The following KPNA6 variants were observed in gnomAD, a reference collection of about 807,000 sequenced individuals.
KPNA6 encodes karyopherin subunit alpha 6, also known as importin subunit alpha-7.
In KPNA6, 9 loss-of-function variants were observed where a neutral mutation model predicts 72.0. The observed-to-expected ratio is 0.13, with a 90% CI of 0.08 to 0.22. The LOEUF (loss-of-function observed/expected upper bound fraction) is 0.22, where lower values mean the gene tolerates loss of function less well. Among genes scored for constraint, KPNA6 ranks in the 10% least tolerant of loss-of-function variants. The pLI is 1.00. For missense variants in KPNA6, 374 were observed against 655.7 expected (o/e 0.57, Z 4.69); for synonymous variants, 219 against 242.1 (o/e 0.90, Z 0.89).
At chr1:32,166,083 T>G in intron 10 of KPNA6, 22 bp from the exon 11 acceptor site, 2 of 1,576,090 alleles carry the variant, frequency 1.3e-6, no homozygotes, top group Non-Finnish European at 1.7e-6. Flanking sequence ...TTCTTTTGTT[T>G]CCTGTGCTTT....
At chr1:32,131,955 A>T (rs889467641) in intron 1 of KPNA6, among the ~76,000 whole-genome samples, 2 of 150,768 alleles carry the variant, frequency 1.3e-5, no homozygotes, top group African/African-American at 4.9e-5. Flanking sequence ...TTTATTTTTT[A>T]TATTTATTTA....
At chr1:32,116,522 G>A (rs568122811) in intron 1 of KPNA6, among the ~76,000 whole-genome samples, 57 of 152,112 alleles carry the variant, frequency 3.7e-4, no homozygotes, top group Non-Finnish European at 6.8e-4. Context: ...GCCGGGTGTG[G>A]TGGCACATGC....
chr1:32,173,173 T>TAAAAAA lies in KPNA6; in HGVS notation c.*2295_*2300dup, dbSNP rs60616241. 7.2e-4 allele frequency: 229 copies of TAAAAAA among 319,754 alleles called. No individual in the cohort carries two copies. Among genetic ancestry groups the TAAAAAA allele is most frequent in the South Asian group, 2.7e-3 (14 of 5,102 alleles). 19.8% of individuals were successfully genotyped at this position (319,754 alleles called of 1,614,324 possible). A position where few individuals can be genotyped will look rare whatever the true frequency, so the allele number is the denominator to read the frequency against. On this transcript the variant is annotated 3_prime_UTR_variant, in exon 14 of 14. Transcript: ENST00000373625. ...ATTAAAAAACCATTCTCTTACAGTT[T>TAAAAAA]AAAAAAAAAAAAAAAAAAAAAGCCT...
Position 32,173,170 on chromosome 1 carries a change from GT to G in KPNA6, c.*2279del, listed in dbSNP as rs1642467901. 3 of 241,334 alleles carry G rather than the reference GT, an allele frequency of 1.2e-5. No homozygotes were observed. Among genetic ancestry groups the G allele is most frequent in the Non-Finnish European group, 2.0e-5 (3 of 149,360 alleles). 14.9% of individuals were successfully genotyped at this position (241,334 alleles called of 1,614,324 possible). Reference sequence around the variant, plus strand: ...TCCATTAAAAAACCATTCTCTTACAGTTTAAAAAAAAAAAAAAAAAAAAAGC... The same window carrying G: ...TCCATTAAAAAACCATTCTCTTACAGTTAAAAAAAAAAAAAAAAAAAAAGC... On this transcript the variant is annotated 3_prime_UTR_variant, in exon 14 of 14. Coordinates refer to ENST00000373625, the MANE Select transcript of KPNA6 (RefSeq NM_012316.5).
At chr1:32,127,905 C>T (rs1019773819) in intron 1 of KPNA6, among the ~76,000 whole-genome samples, 2 of 152,064 alleles carry the variant, frequency 1.3e-5, no homozygotes, top group Non-Finnish European at 2.9e-5. Flanking sequence ...GTAAAGCTTC[C>T]TGAAGGTAGA....
intron 3 of KPNA6, 45 bp downstream of exon 3, chr1:32,156,990 C>T (rs772438953): frequency 3.6e-6 from 5 of 1,400,022 alleles, no homozygotes; most frequent in Middle Eastern, 1.8e-4. Flanking sequence ...AAAACACCTG[C>T]TTCTAAGGAC....
At chr1:32,131,605 TACAC>T (rs753343778) in intron 1 of KPNA6, among the ~76,000 whole-genome samples, 10 of 151,656 alleles carry the variant, frequency 6.6e-5, no homozygotes, top group Non-Finnish European at 1.0e-4. Context: ...CTTAAGTCTA[TACAC>T]ACACATATAT....
At chr1:32,159,281 G>A in intron 5 of KPNA6, 119 bp from the exon 6 acceptor site, 6 of 1,009,326 alleles carry the variant, frequency 5.9e-6, no homozygotes, top group Non-Finnish European at 8.8e-6. Context: ...TGTGTTTTGT[G>A]AGGTTTTGTT....
intron 1 of KPNA6, among the ~76,000 whole-genome samples, chr1:32,136,930 A>C (rs16834895): frequency 0.026 from 4,016 of 152,314 alleles, 181 homozygotes; most frequent in African/African-American, 0.091. Context: ...CTTGAAGCCA[A>C]GTTTCAGAAA....
intron 1 of KPNA6, among the ~76,000 whole-genome samples, chr1:32,138,782 G>T (rs985212126): frequency 1.3e-5 from 2 of 152,140 alleles, no homozygotes; most frequent in Non-Finnish European, 2.9e-5. Flanking sequence ...GGAAGGCAAA[G>T]GTGATCATCA....
chr1:32,125,429 A>G (rs934786324), intron 1 of KPNA6, among the ~76,000 whole-genome samples: 1 of 152,246 alleles, frequency 6.6e-6, no homozygotes, highest in East Asian at 1.9e-4. Flanking sequence ...GAGGCAGCCA[A>G]CAGGCCTGCA....
chr1:32,167,853 C>CAAAA (rs376077938), intron 12 of KPNA6, among the ~76,000 whole-genome samples: 4 of 80,080 alleles, frequency 5.0e-5, no homozygotes, highest in South Asian at 3.6e-4. Context: ...GAGTCTGTCA[C>CAAAA]AAAAAAAAAA....
In KPNA6 at chr1:32,166,147, T is replaced by C. The variant is rs1439474986; in HGVS notation, c.1033T>C (p.Leu345=). The C allele has an allele frequency of 6.2e-7, 1 of 1,614,178 alleles. No homozygotes were observed. The highest frequency in any genetic ancestry group is 2.2e-5 in the East Asian group (1 of 44,884). Residue 345 remains leucine (L), a synonymous_variant, in exon 11 of 14, where the codon TTG becomes CTG. Coordinates refer to ENST00000373625, the MANE Select transcript of KPNA6 (RefSeq NM_012316.5). ...CSALPCLLHL[L]SSPKESIRKE... is the part of the protein sequence containing the mutation. ...AGCCCTACCTTGCCTTCTCCACTTG[T>C]TGAGCAGTCCCAAGGAGTCAATCCG...
chr1:32,115,614 A>G (rs568965466), intron 1 of KPNA6, among the ~76,000 whole-genome samples: 13 of 151,678 alleles, frequency 8.6e-5, no homozygotes, highest in African/African-American at 3.1e-4. Context: ...TTTGTGAGAC[A>G]GTGTGTCACC....
chr1:32,117,000 C>T (rs1439198779), intron 1 of KPNA6, among the ~76,000 whole-genome samples: 1 of 152,046 alleles, frequency 6.6e-6, no homozygotes, highest in African/African-American at 2.4e-5. Context: ...AGTTGCAATA[C>T]TAGCATCAAA....
Position 32,170,971 on chromosome 1 carries a change from C to A in KPNA6, c.*77C>A. On this transcript the variant is annotated 3_prime_UTR_variant, in exon 14 of 14. Coordinates refer to ENST00000373625, the MANE Select transcript of KPNA6 (RefSeq NM_012316.5). ...GAGCAGCCCTCTGGTGGGCGGGAAA[C>A]CAGTGTCCCCACCATCAGCCACCAC... The A allele has an allele frequency of 7.7e-7, 1 of 1,306,622 alleles. No homozygotes were observed. Among genetic ancestry groups the A allele is most frequent in the Non-Finnish European group, 1.1e-6 (1 of 916,396 alleles). The allele number at this position is 1,306,622 out of a possible 1,614,324, so 80.9% of individuals were successfully genotyped here.
chr1:32,120,932 G>A (rs1391039923), intron 1 of KPNA6, among the ~76,000 whole-genome samples: 3 of 150,294 alleles, frequency 2.0e-5, no homozygotes, highest in Non-Finnish European at 4.4e-5. Context: ...GCAGTGGCGC[G>A]ATCACAGCTC....
chr1:32,142,142 G>A (rs1274179030), intron 1 of KPNA6, among the ~76,000 whole-genome samples: 2 of 151,270 alleles, frequency 1.3e-5, no homozygotes, highest in African/African-American at 4.9e-5. Flanking sequence ...TGTAATCCCA[G>A]CTACTCAGGA....
chr1:32,162,432 C>T lies in KPNA6; in HGVS notation c.819C>T (p.Cys273=), dbSNP rs200351151. 6.2e-6 allele frequency: 10 copies of T among 1,614,036 alleles called. No individual in the cohort carries two copies. The highest frequency in any genetic ancestry group is 2.2e-5 in the East Asian group (1 of 44,886). The change falls in exon 9 of 14, where the codon TGC becomes TGT. Residue 273 remains cysteine, a synonymous_variant. Coordinates refer to ENST00000373625, the MANE Select transcript of KPNA6 (RefSeq NM_012316.5). Reference sequence around the variant, plus strand: ...ACTCGGACTTGCTGGCAGATGCTTGCTGGGCCCTTTCTTATCTGTCTGATG... The same window carrying T: ...ACTCGGACTTGCTGGCAGATGCTTGTTGGGCCCTTTCTTATCTGTCTGATG... ...SSDSDLLADA[C]WALSYLSDGP...
Sources: gnomAD v4.1 joint callset for allele counts (sites outside exome capture counted in the v4.1 genomes callset) on GRCh38, gnomAD v4.1.1 for gene constraint, MANE v1.5 for transcripts, NCBI Gene and HGNC (gene_info 2026-07-23, HGNC 2026-07-21) for gene names.